Variants in BNC2 observed in about 807,000 individuals in gnomAD.
BNC2 encodes zinc finger protein basonuclin-2.
In BNC2, 20 loss-of-function variants were observed where a neutral mutation model predicts 76.3. The ratio of observed to expected loss-of-function variants is 0.26; its 90% confidence interval spans 0.18 to 0.38. The LOEUF is 0.38. Among genes scored for constraint, BNC2 ranks in the 10% least tolerant of loss-of-function variants. BNC2 has a pLI of 1.00. For missense variants in BNC2, 1,382 were observed against 1,399.8 expected (o/e 0.99, Z 0.20); for synonymous variants, 582 against 514.8 (o/e 1.13, Z -1.77).
intron 1 of BNC2, among the ~76,000 whole-genome samples, chr9:16,811,230 C>CGAAAAAAAAAA (rs565629193): frequency 1.0e-5 from 1 of 97,546 alleles, no homozygotes; most frequent in Non-Finnish European, 2.2e-5. Flanking sequence ...CTCAAAAGAC[C>CGAAAAAAAAAA]AAAAAAAAAA....
At chr9:16,511,105 CTTTTTT>C (rs34511398) in intron 5 of BNC2, among the ~76,000 whole-genome samples, 7 of 125,240 alleles carry the variant, frequency 5.6e-5, no homozygotes, top group South Asian at 2.7e-4. Context: ...ACTAAACTTA[CTTTTTT>C]TTTTTTTTTT....
intron 1 of BNC2, among the ~76,000 whole-genome samples, chr9:16,787,046 GA>G (rs1826314998): frequency 6.6e-6 from 1 of 152,220 alleles, no homozygotes; most frequent in Non-Finnish European, 1.5e-5. Flanking sequence ...GACAGGAAGA[GA>G]GCCAATTAGT....
chr9:16,541,321 G>C (rs1397067934), intron 5 of BNC2, among the ~76,000 whole-genome samples: 1 of 152,170 alleles, frequency 6.6e-6, no homozygotes, highest in African/African-American at 2.4e-5. Flanking sequence ...GATTCAACCC[G>C]GTTTCCCTGG....
At chr9:16,773,903 G>A (rs981297991) in intron 1 of BNC2, among the ~76,000 whole-genome samples, 2 of 152,060 alleles carry the variant, frequency 1.3e-5, no homozygotes, top group Non-Finnish European at 2.9e-5. Flanking sequence ...ATTATCCCAC[G>A]CCCCCAATCT....
intron 3 of BNC2, among the ~76,000 whole-genome samples, chr9:16,699,413 A>C (rs1415857891): frequency 1.3e-5 from 2 of 152,254 alleles, no homozygotes; most frequent in African/African-American, 4.8e-5. Flanking sequence ...TATGCTGCTC[A>C]GTGACTGATT....
intron 5 of BNC2, among the ~76,000 whole-genome samples, chr9:16,462,813 T>C (rs1821614877): frequency 6.6e-6 from 1 of 152,210 alleles, no homozygotes; most frequent in African/African-American, 2.4e-5. Flanking sequence ...CTGTTCTTTG[T>C]TTTTGTGTAT....
At chr9:16,635,182 C>A (rs1821286794) in intron 3 of BNC2, among the ~76,000 whole-genome samples, 1 of 152,152 alleles carries the variant, frequency 6.6e-6, no homozygotes, top group Admixed American at 6.5e-5. Context: ...AATTTTCTCA[C>A]TGTAGTTAAA....
chr9:16,518,117 TATA>T (rs1817493510), intron 5 of BNC2, among the ~76,000 whole-genome samples: 1 of 152,188 alleles, frequency 6.6e-6, no homozygotes, highest in Non-Finnish European at 1.5e-5. Flanking sequence ...TTTATAAAAA[TATA>T]ATAATGAAAA....
intron 3 of BNC2, 32 bp downstream of exon 3, chr9:16,727,764 AG>A (rs1469763302): frequency 2.5e-6 from 4 of 1,575,766 alleles, no homozygotes; most frequent in Non-Finnish European, 2.6e-6. Context: ...CTTAAAAAAA[AG>A]AAAAAAAAAA....
intron 1 of BNC2, among the ~76,000 whole-genome samples, chr9:16,771,261 C>A (rs188760117): frequency 6.6e-6 from 1 of 152,070 alleles, no homozygotes; most frequent in Non-Finnish European, 1.5e-5. Context: ...GTCTAACAGA[C>A]GTGAAAAAAG....
intron 1 of BNC2, among the ~76,000 whole-genome samples, chr9:16,836,305 G>A (rs982590857): frequency 3.3e-5 from 5 of 152,172 alleles, no homozygotes; most frequent in African/African-American, 1.2e-4. Context: ...TGAAGAATCA[G>A]AGGTCGTTTT....
chr9:16,580,718 T>G (rs1420264844), intron 4 of BNC2, among the ~76,000 whole-genome samples: 1 of 152,192 alleles, frequency 6.6e-6, no homozygotes, highest in African/African-American at 2.4e-5. Flanking sequence ...ACAAGATGGC[T>G]TTGGCAAAAA....
At chr9:16,553,715 C>T (rs1818735250) in intron 4 of BNC2, among the ~76,000 whole-genome samples, 1 of 152,076 alleles carries the variant, frequency 6.6e-6, no homozygotes. Context: ...TAAGAAACGC[C>T]ATCTCTTCTC....
intron 1 of BNC2, among the ~76,000 whole-genome samples, chr9:16,838,372 T>A (rs1166495417): frequency 6.6e-6 from 1 of 152,116 alleles, no homozygotes; most frequent in Non-Finnish European, 1.5e-5. Flanking sequence ...CTGGCCAACA[T>A]GGAGAAACCC....
intron 5 of BNC2, among the ~76,000 whole-genome samples, chr9:16,447,264 T>C (rs1262312001): frequency 6.6e-6 from 1 of 152,126 alleles, no homozygotes; most frequent in African/African-American, 2.4e-5. Flanking sequence ...AAAGCAGATT[T>C]TGTATCTTGA....
chr9:16,488,076 T>C (rs150252334), intron 5 of BNC2, among the ~76,000 whole-genome samples: 44 of 152,304 alleles, frequency 2.9e-4, no homozygotes, highest in African/African-American at 9.4e-4. Context: ...CTAAGCTACA[T>C]ATTCCCCATA....
chr9:16,556,781 A>G (rs987322206), intron 4 of BNC2, among the ~76,000 whole-genome samples: 32 of 152,012 alleles, frequency 2.1e-4, no homozygotes, highest in Non-Finnish European at 3.2e-4. Flanking sequence ...AAAAAAAAAA[A>G]TTAAACTGCC....
intron 3 of BNC2, among the ~76,000 whole-genome samples, chr9:16,633,179 T>C (rs1017754725): frequency 2.0e-5 from 3 of 152,212 alleles, no homozygotes; most frequent in Non-Finnish European, 4.4e-5. Flanking sequence ...AGCAGTTAGT[T>C]ATAAATTATT....
Position 16,419,085 on chromosome 9 carries a change from T to C in BNC2, c.3204A>G (p.Pro1068=). The C allele has an allele frequency of 6.2e-7, 1 of 1,614,220 alleles. No homozygotes were observed. ...HLREMHKCKV[P]GCNMMFSSVR... ...CAGAGGAAAACATCATATTGCAACC[T>C]GGGACTTTGCACTTGTGCATTTCTC... is the stretch of plus-strand genomic sequence containing the variant. Residue 1068 remains proline (P), a synonymous_variant, in exon 7 of 7, where the codon CCA becomes CCG. Coordinates refer to ENST00000380672, the MANE Select transcript of BNC2 (RefSeq NM_017637.6).
Sources: gnomAD v4.1 joint callset for allele counts (sites outside exome capture counted in the v4.1 genomes callset) on GRCh38, gnomAD v4.1.1 for gene constraint, MANE v1.5 for transcripts, NCBI Gene and HGNC (gene_info 2026-07-23, HGNC 2026-07-21) for gene names.